The following DLGAP1 variants were observed in gnomAD, a reference collection of about 807,000 sequenced individuals.
The protein encoded by DLGAP1 is DLG associated protein 1, also known as disks large-associated protein 1.
DLGAP1 carries 11 observed loss-of-function variants against 90.8 expected under a neutral mutation model. The ratio of observed to expected loss-of-function variants is 0.12; its 90% confidence interval spans 0.08 to 0.20. The LOEUF (loss-of-function observed/expected upper bound fraction) is 0.20, where lower values mean the gene tolerates loss of function less well. DLGAP1 is among the 10% of genes least tolerant of loss of function. The probability of loss-of-function intolerance (pLI) is 1.00; values close to 1 mark genes in which losing one functional copy is unlikely to be tolerated. For synonymous variants in DLGAP1, 558 were observed against 540.7 expected (o/e 1.03, Z -0.44); for missense variants, 1,050 against 1,333.8 (o/e 0.79, Z 3.31).
intron 3 of DLGAP1, among the ~76,000 whole-genome samples, chr18:3,914,507 G>T (rs1162656841): frequency 6.6e-6 from 1 of 152,142 alleles, no homozygotes; most frequent in Admixed American, 6.5e-5. Flanking sequence ...AGTGAACACG[G>T]GGTGCAGCTC....
intron 4 of DLGAP1, among the ~76,000 whole-genome samples, chr18:3,867,775 G>GTT (rs199718458): frequency 4.6e-5 from 7 of 151,444 alleles, no homozygotes; most frequent in South Asian, 2.1e-4. Context: ...AATAAAACTT[G>GTT]TTTTTTTTTA....
At chr18:4,307,933 C>T (rs1404557947) in intron 1 of DLGAP1, among the ~76,000 whole-genome samples, 1 of 152,070 alleles carries the variant, frequency 6.6e-6, no homozygotes, top group Non-Finnish European at 1.5e-5. Context: ...CCAGGCTGGT[C>T]TCAAACTCCT....
At chr18:3,654,146 A>G (rs980336570) in intron 7 of DLGAP1, among the ~76,000 whole-genome samples, 1 of 152,178 alleles carries the variant, frequency 6.6e-6, no homozygotes, top group Admixed American at 6.5e-5. Context: ...AAAGATGCTC[A>G]AGCAACAGTC....
chr18:4,437,436 A>G (rs896448360), intron 1 of DLGAP1, among the ~76,000 whole-genome samples: 1 of 152,264 alleles, frequency 6.6e-6, no homozygotes, highest in Non-Finnish European at 1.5e-5. Flanking sequence ...TCTCTGGTAT[A>G]AAATGGTATG....
At chr18:3,936,614 TG>T (rs1218773803) in intron 3 of DLGAP1, among the ~76,000 whole-genome samples, 1 of 152,206 alleles carries the variant, frequency 6.6e-6, no homozygotes, top group Non-Finnish European at 1.5e-5. Flanking sequence ...GTGAATACCT[TG>T]AGATAAAGTT....
chr18:3,673,601 CA>C (rs2060177444), intron 7 of DLGAP1, among the ~76,000 whole-genome samples: 1 of 152,166 alleles, frequency 6.6e-6, no homozygotes, highest in Admixed American at 6.5e-5. Flanking sequence ...GGCTGGAGTG[CA>C]GTGGCATGAA....
chr18:4,325,715 C>T (rs2080803480), intron 1 of DLGAP1, among the ~76,000 whole-genome samples: 2 of 151,980 alleles, frequency 1.3e-5, no homozygotes, highest in African/African-American at 2.4e-5. Context: ...ATGCCACACA[C>T]CTACAAATAT....
intron 2 of DLGAP1, among the ~76,000 whole-genome samples, chr18:4,138,940 T>C (rs963693707): frequency 6.6e-6 from 1 of 152,098 alleles, no homozygotes; most frequent in African/African-American, 2.4e-5. Flanking sequence ...TTGCTCATAG[T>C]AGTCTCTAAC....
In DLGAP1 at chr18:4,149,189, G is replaced by A. The variant is rs1232504800; in HGVS notation, c.-159+1991C>T. On this transcript the variant is annotated intron_variant, in intron 2 of 12. Transcript: ENST00000315677. ...TTAATTCTGACTATTCCAACATGTT[G>A]GTCATACTTTGGATCTCATATAATG... 4.6e-5 allele frequency among the ~76,000 whole-genome samples: 7 copies of A among 152,048 alleles called. No individual in the cohort carries two copies. The South Asian group carries it at 1.5e-3, about 32-fold the overall frequency.
chr18:3,829,763 G>C (rs1226169821), intron 4 of DLGAP1, among the ~76,000 whole-genome samples: 4 of 152,062 alleles, frequency 2.6e-5, no homozygotes, highest in Non-Finnish European at 1.5e-5. Context: ...TTTACATAAA[G>C]TCTACTGATT....
At chr18:3,799,908 T>C (rs999757397) in intron 5 of DLGAP1, among the ~76,000 whole-genome samples, 2 of 152,180 alleles carry the variant, frequency 1.3e-5, no homozygotes, top group Non-Finnish European at 2.9e-5. Context: ...ATCTGAATAG[T>C]GAAGTCCATC....
chr18:3,995,959 A>T (rs1254926377), intron 3 of DLGAP1, among the ~76,000 whole-genome samples: 1 of 152,158 alleles, frequency 6.6e-6, no homozygotes, highest in Admixed American at 6.5e-5. Flanking sequence ...TAATAAACGG[A>T]GACAAATTAC....
intron 7 of DLGAP1, among the ~76,000 whole-genome samples, chr18:3,600,793 G>GATATATATAGAT (rs374773371): frequency 3.4e-5 from 1 of 29,194 alleles, no homozygotes; most frequent in East Asian, 1.1e-3. Flanking sequence ...GATATATATA[G>GATATATATAGAT]ATATATAGAT....
At chr18:4,290,430 C>T (rs181393261) in intron 1 of DLGAP1, among the ~76,000 whole-genome samples, 23 of 152,170 alleles carry the variant, frequency 1.5e-4, no homozygotes, top group Admixed American at 5.2e-4. Flanking sequence ...CCTTCTTTCT[C>T]GGTTACCAGG....
chr18:3,729,386 A>T lies in DLGAP1; in HGVS notation c.1351-11T>A. 1 of 1,605,496 alleles carries T rather than the reference A, an allele frequency of 6.2e-7. No homozygotes were observed. Among genetic ancestry groups the T allele is most frequent in the Non-Finnish European group, 8.5e-7 (1 of 1,173,350 alleles). On this transcript the variant is annotated splice_polypyrimidine_tract_variant and intron_variant, in intron 6 of 12. Coordinates refer to ENST00000315677, the MANE Select transcript of DLGAP1 (RefSeq NM_004746.4). This position sits in a 1 kb window ranked among gnomAD's most constrained non-coding sequence, Gnocchi z 6.2. ...TTCCATCTCGCTCACCTGCGGGCAG[A>T]CACAGGCGTTGTGACACTCGCCTCC...
chr18:4,107,122 A>C (rs2075881785), intron 2 of DLGAP1, among the ~76,000 whole-genome samples: 1 of 152,230 alleles, frequency 6.6e-6, no homozygotes, highest in Admixed American at 6.5e-5. Flanking sequence ...TGCCTAGCTA[A>C]AACACAGCGC....
intron 1 of DLGAP1, among the ~76,000 whole-genome samples, chr18:4,167,960 C>T (rs1029078242): frequency 1.3e-5 from 2 of 152,142 alleles, no homozygotes; most frequent in African/African-American, 2.4e-5. Flanking sequence ...AATGGAAAGA[C>T]ATATTGCATT....
chr18:4,216,137 AC>A (rs1246937839), intron 1 of DLGAP1, among the ~76,000 whole-genome samples: 1 of 152,104 alleles, frequency 6.6e-6, no homozygotes, highest in Admixed American at 6.6e-5. Flanking sequence ...CAATCATGGC[AC>A]AAGGGGAAGC....
chr18:3,646,207 G>A (rs1042471259), intron 7 of DLGAP1, among the ~76,000 whole-genome samples: 3 of 152,018 alleles, frequency 2.0e-5, no homozygotes, highest in African/African-American at 7.2e-5. Context: ...ACCAGCCTGG[G>A]CAATATAATG....
Sources: allele counts gnomAD v4.1 joint callset (sites outside exome capture counted in the v4.1 genomes callset), GRCh38; gene constraint gnomAD v4.1.1; non-coding constraint Gnocchi (gnomAD v3.1); transcripts MANE v1.5; gene names NCBI Gene and HGNC (gene_info 2026-07-23, HGNC 2026-07-21).